Variants in EXPH5 observed in about 807,000 individuals in gnomAD.
EXPH5 encodes exophilin 5, also known as exophilin-5.
Under a neutral mutation model 41.1 loss-of-function variants are expected in EXPH5, and 42 were observed. The observed-to-expected ratio is 1.02, with a 90% confidence interval of 0.80 to 1.32. EXPH5 has a LOEUF of 1.32. EXPH5 is among the 40% of genes most tolerant of loss of function. EXPH5 has a pLI of 0.00. For synonymous variants in EXPH5, 798 were observed against 833.5 expected, an observed-to-expected ratio of 0.96 and a Z score of 0.73; for missense variants, 2,298 against 2,314.5, an observed-to-expected ratio of 0.99 and a Z score of 0.15.
intron 1 of EXPH5, among the ~76,000 whole-genome samples, chr11:108,591,142 C>A (rs1350798501): frequency 6.6e-6 from 1 of 152,212 alleles, no homozygotes; most frequent in Non-Finnish European, 1.5e-5. Flanking sequence ...TTCCCTGAGT[C>A]TCTCAGACAG....
intron 1 of EXPH5, among the ~76,000 whole-genome samples, chr11:108,542,449 T>A (rs1482516982): frequency 6.6e-6 from 1 of 152,160 alleles, no homozygotes; most frequent in Non-Finnish European, 1.5e-5. Flanking sequence ...AGCAATGTGC[T>A]AAAACCTGAC....
At position 108,546,187 on chromosome 11, in the gene EXPH5, G is replaced by A. The variant is rs906736039; in HGVS notation, c.120-4375C>T. On this transcript the variant is annotated intron_variant, in intron 1 of 5. Transcript: ENST00000265843. ...AGAGAAAGCCCAAGACAAGCAGAGA[G>A]GCCACTGTTAGATAACGTAGCATTA... Among the ~76,000 whole-genome samples, 7 of 151,992 alleles carry A rather than the reference G, an allele frequency of 4.6e-5. No homozygotes were observed. The East Asian group carries it at 1.4e-3, about 30-fold the overall frequency.
chr11:108,515,795 G>C (rs554827077), intron 5 of EXPH5, among the ~76,000 whole-genome samples: 2 of 152,090 alleles, frequency 1.3e-5, no homozygotes, highest in Non-Finnish European at 2.9e-5. Flanking sequence ...CTTTTGGGCC[G>C]GGCACGGTGG....
intron 1 of EXPH5, among the ~76,000 whole-genome samples, chr11:108,566,736 C>G (rs2094036437): frequency 6.6e-6 from 1 of 152,152 alleles, no homozygotes; most frequent in Non-Finnish European, 1.5e-5. Flanking sequence ...CTGAAATTCT[C>G]TCATTTTCTT....
At position 108,510,982 on chromosome 11, in the gene EXPH5, C is replaced by A. The variant is rs760124476; in HGVS notation, c.4525G>T (p.Ala1509Ser). The change falls in exon 6 of 6, where the codon GCC becomes TCC. Residue 1509 changes from alanine to serine, a missense_variant. Transcript: ENST00000265843. Reference protein sequence around the residue: ...TLSHSESQVFALTPALHKLQL... With the variant: ...TLSHSESQVFSLTPALHKLQL... ...AGTTTATGCAATGCTGGAGTAAGGG[C>A]AAAGACTTGACTCTCTGAGTGAGAA... 1.9e-6 allele frequency: 3 copies of A among 1,614,106 alleles called. No homozygotes were observed. In the South Asian group the frequency reaches 3.3e-5, roughly 18 times the overall value.
Position 108,509,254 on chromosome 11 carries a change from A to G in EXPH5, c.*283T>C, listed in dbSNP as rs3741060. The G allele has an allele frequency of 0.14, 37,690 of 272,844 alleles. 2,987 individuals carry two copies. Among genetic ancestry groups the G allele is most frequent in the South Asian group, 0.24 (1,727 of 7,188 alleles). The allele number at this position is 272,844 out of a possible 1,614,324, so 16.9% of individuals were successfully genotyped here. ...GAGGGAAGTAAAGCAGAAAGCCCAA[A>G]TCAGACAGTGAATCAGGGATTAAGT... On this transcript the variant is annotated 3_prime_UTR_variant, in exon 6 of 6. Transcript: ENST00000265843.
intron 1 of EXPH5, among the ~76,000 whole-genome samples, chr11:108,592,986 G>A (rs1042213885): frequency 6.6e-6 from 1 of 152,240 alleles, no homozygotes; most frequent in Non-Finnish European, 1.5e-5. Context: ...AAGCTCTGTC[G>A]GACCCGTGCG....
rs138482342 is a variant in EXPH5 at position 108,530,425 on chromosome 11, T to C, written c.444-2241A>G. Among the ~76,000 whole-genome samples the C allele has an allele frequency of 3.9e-4, 60 of 152,138 alleles. No homozygotes were observed. The East Asian group carries it at 7.9e-3, about 20-fold the overall frequency. ...ATAAGTAAAATGCATGGGAAATGCA[T>C]AGGGGCCAGCAAGCACTTCCTGGGA... On this transcript the variant is annotated intron_variant, in intron 3 of 5. Transcript: ENST00000265843.
At chr11:108,559,005 AC>A (rs1440637511) in intron 1 of EXPH5, among the ~76,000 whole-genome samples, 1 of 151,892 alleles carries the variant, frequency 6.6e-6, no homozygotes, top group Non-Finnish European at 1.5e-5. Flanking sequence ...CCTAGCTCAG[AC>A]CCCCCTCACC....
chr11:108,566,574 C>T (rs1021665104), intron 1 of EXPH5, among the ~76,000 whole-genome samples: 6 of 151,940 alleles, frequency 3.9e-5, no homozygotes, highest in African/African-American at 9.7e-5. Context: ...AATTCCAGGC[C>T]GAGCATGGTG....
chr11:108,534,966 G>C (rs1023410458), intron 3 of EXPH5, among the ~76,000 whole-genome samples: 2 of 152,198 alleles, frequency 1.3e-5, no homozygotes, highest in Admixed American at 1.3e-4. Flanking sequence ...AAATCCTCCA[G>C]GCAGGGACTT....
intron 1 of EXPH5, among the ~76,000 whole-genome samples, chr11:108,556,442 C>T (rs933269117): frequency 2.6e-5 from 4 of 152,048 alleles, no homozygotes; most frequent in South Asian, 2.1e-4. Flanking sequence ...ACAGTGGCAT[C>T]CCATCAATTT....
the EXPH5 span, among the ~76,000 whole-genome samples, chr11:108,600,471 C>A: frequency 2.0e-5 from 3 of 152,054 alleles, no homozygotes; most frequent in African/African-American, 7.2e-5. Context: ...TTTAATGTGA[C>A]TGGCACAGTA....
In EXPH5 at chr11:108,509,418, A is replaced by G. The variant is rs1039721010; in HGVS notation, c.*119T>C. ...GAGGAAAAAAAAGGAGATGTGGGAC[A>G]TTTCAGAGCAGACACTGCCCAGACT... On this transcript the variant is annotated 3_prime_UTR_variant, in exon 6 of 6. Transcript: ENST00000265843. 1 of 917,994 alleles carries G rather than the reference A, an allele frequency of 1.1e-6. No homozygotes were observed. The highest frequency in any genetic ancestry group is 1.6e-6 in the Non-Finnish European group (1 of 629,056). The allele number at this position is 917,994 out of a possible 1,614,324, so 56.9% of individuals were successfully genotyped here.
At chr11:108,593,773 G>C (rs1033515476), upstream of EXPH5, 1 of 1,535,054 alleles carries the variant, frequency 6.5e-7, no homozygotes, top group Admixed American at 2.0e-5. Flanking sequence ...AAAGTGAACG[G>C]CTAAAGGGAG....
At position 108,593,488 on chromosome 11, in the gene EXPH5, C is replaced by G. The variant is rs755914984; in HGVS notation, c.49G>C (p.Glu17Gln). The G allele has an allele frequency of 6.2e-7, 1 of 1,614,232 alleles. No homozygotes were observed. Among genetic ancestry groups the G allele is most frequent in the Admixed American group, 1.7e-5 (1 of 60,032 alleles). ...AFDFSFLNDE[E>Q]ARKILQVLER... ...AGCACCTGAAGGATCTTCCTGGCCT[C>G]TTCGTCATTTAAGAAACTGAAATCA... is the stretch of plus-strand genomic sequence containing the variant. The change falls in exon 1 of 6, where the codon GAG becomes CAG. Residue 17 changes from glutamate (E) to glutamine (Q), a missense_variant. Physicochemically the swap from Glu to Gln is conservative, Grantham distance 29. Coordinates refer to ENST00000265843, the MANE Select transcript of EXPH5 (RefSeq NM_015065.3).
intron 3 of EXPH5, chr11:108,538,258 C>A: frequency 1.0e-6 from 1 of 985,384 alleles, no homozygotes; most frequent in African/African-American, 1.7e-5. Context: ...ATATCACGTG[C>A]CAAGCCAACA....
At chr11:108,533,968 A>C (rs1256793048) in intron 3 of EXPH5, among the ~76,000 whole-genome samples, 1 of 151,778 alleles carries the variant, frequency 6.6e-6, no homozygotes, top group Admixed American at 6.6e-5. Context: ...CTAATTTTTT[A>C]ATGTTTTGTA....
chr11:108,582,695 A>G (rs2094102091), intron 1 of EXPH5, among the ~76,000 whole-genome samples: 1 of 152,206 alleles, frequency 6.6e-6, no homozygotes, highest in African/African-American at 2.4e-5. Flanking sequence ...CATGTTTCAC[A>G]GTTTTGGAGG....
Sources: allele counts gnomAD v4.1 joint callset (sites outside exome capture counted in the v4.1 genomes callset), GRCh38; gene constraint gnomAD v4.1.1; transcripts MANE v1.5; gene names NCBI Gene and HGNC (gene_info 2026-07-23, HGNC 2026-07-21).